The following HEMK2 variants were observed in gnomAD, a reference collection of about 807,000 sequenced individuals.
The protein encoded by HEMK2 is HemK methyltransferase 2, ETF1 glutamine and histone H4 lysine, also known as methyltransferase HEMK2.
the HEMK2 span, among the ~76,000 whole-genome samples, chr21:28,703,286 AC>A: frequency 4.0e-5 from 6 of 150,954 alleles, no homozygotes; most frequent in African/African-American, 1.5e-4. Context: ...TATATAACAA[AC>A]CTGCACATGT....
the HEMK2 span, among the ~76,000 whole-genome samples, chr21:28,815,927 T>C: frequency 6.6e-6 from 1 of 152,188 alleles, no homozygotes; most frequent in African/African-American, 2.4e-5. Flanking sequence ...AATGTGATTG[T>C]ATTTTGAAAT....
At chr21:28,762,345 C>CAT in the HEMK2 span, among the ~76,000 whole-genome samples, 1 of 152,000 alleles carries the variant, frequency 6.6e-6, no homozygotes, top group African/African-American at 2.4e-5. Context: ...TTCTGCTTGA[C>CAT]ATATGAAGGT....
At chr21:28,669,531 C>A in the HEMK2 span, among the ~76,000 whole-genome samples, 3 of 152,136 alleles carry the variant, frequency 2.0e-5, no homozygotes, top group Non-Finnish European at 4.4e-5. Context: ...GGCGAAGTAA[C>A]AGAGTGCCAG....
At chr21:28,871,219 T>C in the HEMK2 span, among the ~76,000 whole-genome samples, 4 of 152,300 alleles carry the variant, frequency 2.6e-5, no homozygotes, top group East Asian at 7.7e-4. Flanking sequence ...TACCTGAGAC[T>C]GGGTAAAGAA....
At chr21:28,762,670 G>A in the HEMK2 span, among the ~76,000 whole-genome samples, 12,433 of 152,022 alleles carry the variant, frequency 0.082, 1,163 homozygotes, top group African/African-American at 0.22. Flanking sequence ...TCACTGCAGC[G>A]GGTTTATTAT....
chr21:28,779,626 A>T, the HEMK2 span, among the ~76,000 whole-genome samples: 9 of 152,226 alleles, frequency 5.9e-5, no homozygotes, highest in Non-Finnish European at 1.3e-4. Flanking sequence ...TACCACAAAC[A>T]TATAATGGGT....
chr21:28,650,130 C>A, the HEMK2 span, among the ~76,000 whole-genome samples: 1 of 152,202 alleles, frequency 6.6e-6, no homozygotes, highest in Non-Finnish European at 1.5e-5. Context: ...GGCGCGGTGG[C>A]TCACGCCTGT....
the HEMK2 span, among the ~76,000 whole-genome samples, chr21:28,632,345 T>C: frequency 6.6e-6 from 1 of 152,230 alleles, no homozygotes; most frequent in Non-Finnish European, 1.5e-5. Context: ...CTAGCTTTTA[T>C]CAGAGTAAGA....
At chr21:28,867,157 G>T in the HEMK2 span, among the ~76,000 whole-genome samples, 2 of 152,128 alleles carry the variant, frequency 1.3e-5, no homozygotes, top group Admixed American at 6.6e-5. Context: ...TCCACTTCTA[G>T]GTATTGACTA....
the HEMK2 span, among the ~76,000 whole-genome samples, chr21:28,659,810 C>T: frequency 1.3e-5 from 2 of 151,968 alleles, no homozygotes; most frequent in Admixed American, 6.6e-5. Flanking sequence ...TGGTCTCTTG[C>T]CTTTCACACA....
the HEMK2 span, among the ~76,000 whole-genome samples, chr21:28,737,604 G>A: frequency 1.1e-4 from 15 of 140,688 alleles, 1 homozygote; most frequent in South Asian, 2.6e-3. Context: ...AAAAAAAAAA[G>A]AAGAAGAAAA....
chr21:28,645,655 AATG>A, the HEMK2 span, among the ~76,000 whole-genome samples: 1 of 152,138 alleles, frequency 6.6e-6, no homozygotes, highest in Admixed American at 6.5e-5. Context: ...TCACCAATGC[AATG>A]ATATTAGCAG....
chr21:28,723,789 T>G, the HEMK2 span, among the ~76,000 whole-genome samples: 1 of 152,190 alleles, frequency 6.6e-6, no homozygotes, highest in African/African-American at 2.4e-5. Flanking sequence ...AAAAATGATT[T>G]TTTAAAATTA....
the HEMK2 span, among the ~76,000 whole-genome samples, chr21:28,732,686 T>C: frequency 6.6e-6 from 1 of 152,080 alleles, no homozygotes; most frequent in African/African-American, 2.4e-5. Context: ...AAATAATGTT[T>C]CCCAAGGAGA....
At chr21:28,876,796 T>C in the HEMK2 span, among the ~76,000 whole-genome samples, 2 of 152,226 alleles carry the variant, frequency 1.3e-5, no homozygotes, top group Admixed American at 1.3e-4. Flanking sequence ...AGTTTTTTAG[T>C]TGATTGGCTC....
chr21:28,798,383 T>C, the HEMK2 span, among the ~76,000 whole-genome samples: 1 of 152,188 alleles, frequency 6.6e-6, no homozygotes, highest in East Asian at 1.9e-4. Flanking sequence ...AGTTTACTCA[T>C]CTGCAAAATG....
the HEMK2 span, among the ~76,000 whole-genome samples, chr21:28,732,793 AACCTTGATTTCTGCTGAGTCTCAG>A: frequency 6.6e-6 from 1 of 152,088 alleles, no homozygotes; most frequent in African/African-American, 2.4e-5. Context: ...GAACAAGAAA[AACCTTGATTTCTGCTGAGTCTCAG>A]ACCTGACCAT....
chr21:28,578,781 C>G, the HEMK2 span, among the ~76,000 whole-genome samples: 1 of 152,136 alleles, frequency 6.6e-6, no homozygotes, highest in Admixed American at 6.5e-5. Context: ...CTAAGCCATT[C>G]AAGGCCCTCC....
At chr21:28,732,697 C>T in the HEMK2 span, among the ~76,000 whole-genome samples, 18,562 of 152,058 alleles carry the variant, frequency 0.12, 1,305 homozygotes, top group East Asian at 0.3. Flanking sequence ...CCCAAGGAGA[C>T]GACAGAAAGG....
Sources: allele counts gnomAD v4.1 joint callset (sites outside exome capture counted in the v4.1 genomes callset), GRCh38; gene constraint gnomAD v4.1.1; transcripts MANE v1.5; gene names NCBI Gene and HGNC (gene_info 2026-07-23, HGNC 2026-07-21).